USH2A: variants seen among roughly 807,000 people sequenced by gnomAD.
The protein encoded by USH2A is usherin, also known as Usher syndrome 2A (autosomal recessive, mild).
USH2A carries 443 observed loss-of-function variants against 538.9 expected under a neutral mutation model. The ratio of observed to expected loss-of-function variants is 0.82; its 90% CI spans 0.76 to 0.89. The LOEUF (loss-of-function observed/expected upper bound fraction) is 0.89. USH2A is among the 40% of genes least tolerant of loss of function. The pLI is 0.00. For synonymous variants in USH2A, 2,413 were observed against 2,273.5 expected (o/e 1.06, Z -1.75); for missense variants, 6,633 against 6,324.8 (o/e 1.05, Z -1.65).
chr1:215,642,085 A>G lies in USH2A; in HGVS notation c.14792-1351T>C, dbSNP rs567444612. ...AGCTTGTAACTAGCAAGAAAATAGA[A>G]AGATAGGAGTCTTATTTGTCCTGTA... On this transcript the variant is annotated intron_variant, in intron 67 of 71. Transcript: ENST00000307340. Among the ~76,000 whole-genome samples the G allele has an allele frequency of 3.7e-4, 56 of 152,366 alleles. 1 individual carries two copies. In the South Asian group the frequency reaches 0.011, roughly 29 times the overall value.
intron 21 of USH2A, among the ~76,000 whole-genome samples, chr1:216,131,776 A>G (rs757150125): frequency 5.9e-5 from 9 of 151,996 alleles, no homozygotes; most frequent in Non-Finnish European, 1.2e-4. Context: ...TCTTATTGCT[A>G]CTTCTTTTCT....
At chr1:216,049,785 T>A (rs1345651196) in intron 30 of USH2A, among the ~76,000 whole-genome samples, 1 of 152,084 alleles carries the variant, frequency 6.6e-6, no homozygotes, top group African/African-American at 2.4e-5. Context: ...CTTTGACACC[T>A]CCCACTTGCC....
chr1:215,952,290 G>T (rs1251236944), intron 37 of USH2A, among the ~76,000 whole-genome samples: 1 of 152,158 alleles, frequency 6.6e-6, no homozygotes, highest in Admixed American at 6.5e-5. Context: ...ACGTGAGATG[G>T]GTTTCCTGAA....
At chr1:216,235,343 G>A (rs1272622980) in intron 13 of USH2A, among the ~76,000 whole-genome samples, 1 of 151,980 alleles carries the variant, frequency 6.6e-6, no homozygotes, top group Non-Finnish European at 1.5e-5. Flanking sequence ...GAATGATTTT[G>A]TACCACATTC....
At position 216,365,057 on chromosome 1, in the gene USH2A, A is replaced by G; in HGVS notation, c.680T>C (p.Ile227Thr). The G allele has an allele frequency of 6.2e-7, 1 of 1,613,348 alleles. No individual in the cohort carries two copies. Among genetic ancestry groups the G allele is most frequent in the Non-Finnish European group, 8.5e-7 (1 of 1,179,538 alleles). Residue 227 changes from isoleucine (I) to threonine (T), a missense_variant, in exon 4 of 72, where the codon ATC becomes ACC. Ile to Thr is a moderately conservative substitution (Grantham distance 89). Transcript: ENST00000307340. ...QVHQTKISFF[I>T]NGVEKDHTPF... ...TGTATGATCCTTCTCCACGCCATTG[A>G]TAAAGAAGCTGATTTTTGTCTGATG... is the stretch of plus-strand genomic sequence containing the variant.
chr1:216,316,445 GA>G (rs1442996754), intron 9 of USH2A, among the ~76,000 whole-genome samples: 1 of 152,090 alleles, frequency 6.6e-6, no homozygotes, highest in Non-Finnish European at 1.5e-5. Context: ...AAGAAGCTCC[GA>G]GTCTTTCAAG....
intron 30 of USH2A, among the ~76,000 whole-genome samples, chr1:216,050,839 T>A (rs1217092101): frequency 6.6e-6 from 1 of 151,674 alleles, no homozygotes; most frequent in Non-Finnish European, 1.5e-5. Flanking sequence ...TCTCCTGACC[T>A]CGTGATCCAC....
chr1:216,405,711 G>A (rs964691422), intron 3 of USH2A, among the ~76,000 whole-genome samples: 10 of 152,120 alleles, frequency 6.6e-5, no homozygotes, highest in African/African-American at 2.4e-4. Flanking sequence ...GAATATGTAT[G>A]TTAACAAAAA....
chr1:215,979,513 G>A (rs2102465517), intron 35 of USH2A, among the ~76,000 whole-genome samples: 1 of 152,232 alleles, frequency 6.6e-6, no homozygotes, highest in Non-Finnish European at 1.5e-5. Flanking sequence ...ATAGACTGGA[G>A]TAGGGAAGCC....
intron 15 of USH2A, among the ~76,000 whole-genome samples, chr1:216,213,516 T>G (rs888708159): frequency 6.6e-6 from 1 of 152,086 alleles, no homozygotes; most frequent in Non-Finnish European, 1.5e-5. Flanking sequence ...AACATTTGGA[T>G]ACCTATGTGT....
intron 13 of USH2A, among the ~76,000 whole-genome samples, chr1:216,234,409 C>A: frequency 6.6e-6 from 1 of 152,070 alleles, no homozygotes; most frequent in East Asian, 1.9e-4. Flanking sequence ...TTTATTTGTA[C>A]CACCTGACAG....
At chr1:216,012,805 T>C (rs1668608257) in intron 32 of USH2A, among the ~76,000 whole-genome samples, 1 of 152,212 alleles carries the variant, frequency 6.6e-6, no homozygotes, top group African/African-American at 2.4e-5. Context: ...ACAGCCCATT[T>C]GAGCTCCTGT....
chr1:215,943,910 C>T (rs1666696698), intron 37 of USH2A, among the ~76,000 whole-genome samples: 1 of 152,054 alleles, frequency 6.6e-6, no homozygotes, highest in Admixed American at 6.6e-5. Flanking sequence ...CAAGAATCAC[C>T]CATGAATTGA....
chr1:216,289,443 C>A (rs761557499), intron 10 of USH2A, 33 bp from the exon 11 acceptor site: 1 of 1,613,188 alleles, frequency 6.2e-7, no homozygotes, highest in South Asian at 1.1e-5. Context: ...ATTATGACTT[C>A]TAATTCATTA....
At chr1:215,829,656 C>T (rs1377244237) in intron 47 of USH2A, among the ~76,000 whole-genome samples, 1 of 152,146 alleles carries the variant, frequency 6.6e-6, no homozygotes, top group Admixed American at 6.5e-5. Flanking sequence ...AATGAAATTA[C>T]ACAAACAATA....
chr1:216,351,608 C>T (rs990727398), intron 4 of USH2A, among the ~76,000 whole-genome samples: 3 of 152,128 alleles, frequency 2.0e-5, no homozygotes, highest in Admixed American at 2.0e-4. Flanking sequence ...AATGGAGAAA[C>T]AATAGAGCAT....
chr1:216,359,256 G>A (rs747030642), intron 4 of USH2A, among the ~76,000 whole-genome samples: 8 of 151,990 alleles, frequency 5.3e-5, no homozygotes, highest in Non-Finnish European at 1.0e-4. Flanking sequence ...GAAATATAGT[G>A]TTATCCCTAT....
chr1:215,961,566 ATAAG>A (rs2102450923), intron 37 of USH2A, among the ~76,000 whole-genome samples: 1 of 151,674 alleles, frequency 6.6e-6, no homozygotes, highest in African/African-American at 2.4e-5. Context: ...ATATGAAATA[ATAAG>A]TAGGAAATTA....
At chr1:215,903,932 G>C (rs1313086443) in intron 38 of USH2A, among the ~76,000 whole-genome samples, 1 of 151,898 alleles carries the variant, frequency 6.6e-6, no homozygotes, top group Admixed American at 6.6e-5. Context: ...ATTGCTAAAG[G>C]CTTTTTAATT....
Sources: gnomAD v4.1 joint callset for allele counts (sites outside exome capture counted in the v4.1 genomes callset) on GRCh38, gnomAD v4.1.1 for gene constraint, MANE v1.5 for transcripts, NCBI Gene and HGNC (gene_info 2026-07-23, HGNC 2026-07-21) for gene names.